The following BCAT2 variants were observed in gnomAD, a reference collection of about 807,000 sequenced individuals.
BCAT2 encodes the protein branched-chain-amino-acid aminotransferase, mitochondrial.
Under a neutral mutation model 52.9 loss-of-function variants are expected in BCAT2, and 44 were observed. That is an observed-to-expected ratio of 0.83 (90% CI 0.65 to 1.07). The LOEUF (loss-of-function observed/expected upper bound fraction) is 1.07, where lower values mean the gene tolerates loss of function less well. Among genes scored for constraint, BCAT2 ranks in the 50% least tolerant of loss-of-function variants. The probability of loss-of-function intolerance (pLI) is 0.00; values close to 1 mark genes in which losing one functional copy is unlikely to be tolerated. For missense variants in BCAT2, 478 were observed against 521.8 expected (o/e 0.92, Z 0.82); for synonymous variants, 215 against 217.1 (o/e 0.99, Z 0.08).
Position 48,807,229 on chromosome 19 carries a change from G to A in BCAT2, c.25-155C>T, listed in dbSNP as rs1568511418. 1.6e-5 allele frequency: 10 copies of A among 637,364 alleles called. No individual in the cohort carries two copies. In the East Asian group the frequency reaches 3.0e-4, roughly 19 times the overall value. The allele number at this position is 637,364 out of a possible 1,614,324, so 39.5% of individuals were successfully genotyped here. ...GACGGGGCAGGTGGTCCTGAAGGAG[G>A]CCAAGTCCCCTCCCTGCCCTGACGA... On this transcript the variant is annotated intron_variant, in intron 1 of 10. Coordinates refer to ENST00000316273, the MANE Select transcript of BCAT2 (RefSeq NM_001190.4). The surrounding 1 kb of genome is among the most constrained non-coding windows in gnomAD (Gnocchi z 4.6).
At position 48,797,113 on chromosome 19, in the gene BCAT2, CTGGGGCCTGTAACCTGCCAGGAATGA is replaced by C. The variant is rs1221763532; in HGVS notation, c.838+52_838+77del. 5.0e-6 allele frequency: 8 copies of C among 1,606,844 alleles called. No homozygotes were observed. In the Admixed American group the frequency reaches 1.4e-4, roughly 27 times the overall value. ...ACCCCCTTCCCCCATCCCAGAATCC[CTGGGGCCTGTAACCTGCCAGGAATGA>C]TGGTGCCACCCACTTCCACCAGGGT... On this transcript the variant is annotated intron_variant, in intron 7 of 10. Coordinates refer to ENST00000316273, the MANE Select transcript of BCAT2 (RefSeq NM_001190.4).
chr19:48,807,859 G>A lies in BCAT2; in HGVS notation c.25-785C>T, dbSNP rs1393044274. Reference sequence around the variant, plus strand: ...GGAGCCACTGCAGTCCTCACTGCATGAGGCTCAGGCGGGTCCTCCCAGAGG... The same window carrying A: ...GGAGCCACTGCAGTCCTCACTGCATAAGGCTCAGGCGGGTCCTCCCAGAGG... On this transcript the variant is annotated intron_variant, in intron 1 of 10. Coordinates refer to ENST00000316273, the MANE Select transcript of BCAT2 (RefSeq NM_001190.4). This position sits in a 1 kb window ranked among gnomAD's most constrained non-coding sequence, Gnocchi z 4.6. The A allele has an allele frequency of 6.1e-6, 6 of 985,602 alleles. No individual in the cohort carries two copies. In the Admixed American group the frequency reaches 2.5e-4, roughly 40 times the overall value. The allele number at this position is 985,602 out of a possible 1,614,324, so 61.1% of individuals were successfully genotyped here.
chr19:48,805,542 G>A (rs2034748329), intron 3 of BCAT2, among the ~76,000 whole-genome samples: 1 of 152,162 alleles, frequency 6.6e-6, no homozygotes. Context: ...TCTCCCAAAT[G>A]TACCAGGCTC....
In BCAT2 at chr19:48,796,602, C is replaced by T. The variant is rs1262554564; in HGVS notation, c.1041G>A (p.Val347=). ...CCCTGTCTTTGTACAGGATTCGGTG[C>T]ACTGGGCAGACCTGGCAAGCGGTGC... ...GSGTACQVCP[V]HRILYKDRNL... is the part of the protein sequence containing the mutation. The change falls in exon 9 of 11, where the codon GTG becomes GTA. Residue 347 remains valine, a synonymous_variant. Coordinates refer to ENST00000316273, the MANE Select transcript of BCAT2 (RefSeq NM_001190.4). 1 of 1,613,398 alleles carries T rather than the reference C, an allele frequency of 6.2e-7. No homozygotes were observed. Among genetic ancestry groups the T allele is most frequent in the Non-Finnish European group, 8.5e-7 (1 of 1,179,982 alleles).
In BCAT2 at chr19:48,795,321, G is replaced by A. The variant is rs2034477218; in HGVS notation, c.*105C>T. The A allele has an allele frequency of 3.4e-6, 5 of 1,487,650 alleles. No homozygotes were observed. The highest frequency in any genetic ancestry group is 1.4e-5 in the African/African-American group (1 of 72,018). The allele number at this position is 1,487,650 out of a possible 1,614,324, so 92.2% of individuals were successfully genotyped here. A position where few individuals can be genotyped will look rare whatever the true frequency, so the allele number is the denominator to read the frequency against. On this transcript the variant is annotated 3_prime_UTR_variant, in exon 11 of 11. Transcript: ENST00000316273. ...GCCAGAGACCCAGACGCCGCCCGCTGGCCTTTTATTTCGTATTGCACTTCA... is the reference window on the plus strand; with the variant it reads ...GCCAGAGACCCAGACGCCGCCCGCTAGCCTTTTATTTCGTATTGCACTTCA...
chr19:48,800,011 G>A lies in BCAT2; in HGVS notation c.501C>T (p.Leu167=). The change falls in exon 5 of 11, where the codon CTC becomes CTT. Residue 167 remains leucine (L), a synonymous_variant. Coordinates refer to ENST00000316273, the MANE Select transcript of BCAT2 (RefSeq NM_001190.4). ...DWVPDAAGTS[L]YVRPVLIGNE... is the part of the protein sequence containing the mutation. ...TCCCAATGAGCACAGGCCGCACATA[G>A]AGGCTGGTGCCGGCGGCATCGGGGA... 2 of 1,613,632 alleles carry A rather than the reference G, an allele frequency of 1.2e-6. No individual in the cohort carries two copies. Among genetic ancestry groups the A allele is most frequent in the Non-Finnish European group, 1.7e-6 (2 of 1,179,888 alleles).
At chr19:48,795,752 G>T (rs992014735) in intron 10 of BCAT2, 4 of 515,464 alleles carry the variant, frequency 7.8e-6, no homozygotes, top group African/African-American at 7.7e-5. Context: ...CAGAGGATGT[G>T]TAGTTCTAGG....
Position 48,796,644 on chromosome 19 carries a change from C to A in BCAT2, c.999G>T (p.Arg333=), listed in dbSNP as rs746613249. Residue 333 remains arginine (R), a synonymous_variant, in exon 9 of 11, where the codon CGG becomes CGT. Coordinates refer to ENST00000316273, the MANE Select transcript of BCAT2 (RefSeq NM_001190.4). The part of the protein sequence containing the change: ...LLRALEEGRV[R]EVFGSGTACQ... ...AAGCGGTGCCCGAGCCAAAGACTTC[C>A]CGCACGCGGCCCTCCTCCAGGGCCC... The A allele has an allele frequency of 2.5e-6, 4 of 1,613,760 alleles. No homozygotes were observed. Among genetic ancestry groups the A allele is most frequent in the East Asian group, 2.2e-5 (1 of 44,874 alleles).
At chr19:48,808,358 G>A in intron 1 of BCAT2, 1 of 708,962 alleles carries the variant, frequency 1.4e-6, no homozygotes, top group Non-Finnish European at 1.7e-6. Context: ...AGATGGAAGA[G>A]GAAGGATGAG....
At chr19:48,806,076 G>A (rs373806860) in intron 3 of BCAT2, among the ~76,000 whole-genome samples, 2 of 25,808 alleles carry the variant, frequency 7.7e-5, no homozygotes, top group Admixed American at 4.7e-4. Context: ...CCCCCCAATG[G>A]CTGTCCCCTC....
chr19:48,799,434 C>T lies in BCAT2; in HGVS notation c.695+241G>A, dbSNP rs1195633460. ...GGACCAGTCCTGGTTTCCCCACTGA[C>T]CTCCACCCAATGCCTTCCCATCTGT... is the stretch of plus-strand genomic sequence containing the variant. On this transcript the variant is annotated intron_variant, in intron 6 of 10. Coordinates refer to ENST00000316273, the MANE Select transcript of BCAT2 (RefSeq NM_001190.4). This position sits in a 1 kb window ranked among gnomAD's most constrained non-coding sequence, Gnocchi z 5.5. 1.3e-5 allele frequency: 7 copies of T among 518,956 alleles called. No homozygotes were observed. The highest frequency in any genetic ancestry group is 2.3e-5 in the Non-Finnish European group (7 of 309,996). 32.1% of individuals were successfully genotyped at this position (518,956 alleles called of 1,614,324 possible).
chr19:48,800,365 A>G, intron 3 of BCAT2, 68 bp from the exon 4 acceptor site: 1 of 1,372,986 alleles, frequency 7.3e-7, no homozygotes, highest in Non-Finnish European at 1.0e-6. Context: ...ACCAAGACAG[A>G]CAGAGACAGA....
rs1394463705 is a variant in BCAT2, at chr19:48,799,847, G to T, written c.532-9C>A. 3.2e-6 allele frequency: 5 copies of T among 1,563,032 alleles called. No individual in the cohort carries two copies. In the African/African-American group the frequency reaches 6.8e-5, roughly 21 times the overall value. On this transcript the variant is annotated splice_polypyrimidine_tract_variant and intron_variant, in intron 5 of 10. Transcript: ENST00000316273. The surrounding 1 kb of genome is among the most constrained non-coding windows in gnomAD (Gnocchi z 5.5). Reference sequence around the variant, plus strand: ...CTGACACCCAGCGAGGGCTGCGACGGGCAAAGGGACAGCGTCAGGAGTCCA... The same window carrying T: ...CTGACACCCAGCGAGGGCTGCGACGTGCAAAGGGACAGCGTCAGGAGTCCA...
chr19:48,796,789 C>A, intron 8 of BCAT2, 71 bp from the exon 9 acceptor site: 1 of 1,590,584 alleles, frequency 6.3e-7, no homozygotes. Context: ...CTCTCCCTCC[C>A]TGAGGATAGT....
chr19:48,810,947 T>C, intron 1 of BCAT2, 37 bp downstream of exon 1: 1 of 1,603,790 alleles, frequency 6.2e-7, no homozygotes, highest in Non-Finnish European at 8.5e-7. Flanking sequence ...CCTCCCCCGG[T>C]TATTTCCCAG....
At chr19:48,796,765 C>G in intron 8 of BCAT2, 47 bp from the exon 9 acceptor site, 1 of 1,594,424 alleles carries the variant, frequency 6.3e-7, no homozygotes, top group Non-Finnish European at 8.5e-7. Flanking sequence ...GGTTGCCCTG[C>G]TGCAGACCTC....
Position 48,799,867 on chromosome 19 carries a change from A to G in BCAT2, c.532-29T>C, listed in dbSNP as rs1443090465. On this transcript the variant is annotated intron_variant, in intron 5 of 10. Coordinates refer to ENST00000316273, the MANE Select transcript of BCAT2 (RefSeq NM_001190.4). This position sits in a 1 kb window ranked among gnomAD's most constrained non-coding sequence, Gnocchi z 5.5. ...CGACGGGCAAAGGGACAGCGTCAGG[A>G]GTCCAGGCCCCCAGTCCCTTCCCGT... 1.9e-6 allele frequency: 3 copies of G among 1,574,676 alleles called. No individual in the cohort carries two copies.
At position 48,795,256 on chromosome 19, in the gene BCAT2, G is replaced by C; in HGVS notation, c.*170C>G. 1.3e-6 allele frequency: 1 copy of C among 786,436 alleles called. No homozygotes were observed. Among genetic ancestry groups the C allele is most frequent in the East Asian group, 2.7e-5 (1 of 37,202 alleles). The allele number at this position is 786,436 out of a possible 1,614,324, so 48.7% of individuals were successfully genotyped here. On this transcript the variant is annotated 3_prime_UTR_variant, in exon 11 of 11. Coordinates refer to ENST00000316273, the MANE Select transcript of BCAT2 (RefSeq NM_001190.4). The stretch of plus-strand genomic sequence containing the variant: ...GGCTGGGGGCCAAGATGCCTGGGTC[G>C]GCCCTTACGGCTTTGGGAGTGTCGC...
chr19:48,806,831 G>A (rs2122693244), intron 2 of BCAT2, 114 bp from the exon 3 acceptor site: 1 of 1,422,248 alleles, frequency 7.0e-7, no homozygotes, highest in East Asian at 2.3e-5. Context: ...CTGTCACCCT[G>A]GAGGATTCTG....
Sources: gnomAD v4.1 joint callset for allele counts (sites outside exome capture counted in the v4.1 genomes callset) on GRCh38, gnomAD v4.1.1 for gene constraint, Gnocchi (gnomAD v3.1) non-coding constraint, MANE v1.5 for transcripts, NCBI Gene and HGNC (gene_info 2026-07-23, HGNC 2026-07-21) for gene names.